The following HMGB3 variants were observed in gnomAD, a reference collection of about 807,000 sequenced individuals.
The protein encoded by HMGB3 is high mobility group protein B3.
A neutral mutation model predicts 12.9 loss-of-function variants in HMGB3; 1 was observed. That is an observed-to-expected ratio of 0.08 (90% confidence interval 0.03 to 0.37). The LOEUF (loss-of-function observed/expected upper bound fraction) is 0.37, where lower values mean the gene tolerates loss of function less well. Ranked by LOEUF, HMGB3 falls within the 10% of genes least tolerant of loss-of-function variation. The pLI, the probability that HMGB3 is intolerant of heterozygous loss-of-function variation, is 0.99. For missense variants in HMGB3, 74 were observed against 153.3 expected (o/e 0.48, Z 2.73); for synonymous variants, 61 against 53.9 (o/e 1.13, Z -0.57).
Position 150,988,826 on chromosome X carries a change from C to T in HMGB3, c.*912C>T, listed in dbSNP as rs978546017. ...TCACAGCAGTGAACAAACCCCCACT[C>T]CATTGTATTTGGAGACTGGCCTCCC... On this transcript the variant is annotated 3_prime_UTR_variant, in exon 5 of 5. Coordinates refer to ENST00000325307, the MANE Select transcript of HMGB3 (RefSeq NM_005342.4). 1 of 112,340 alleles carries T rather than the reference C, an allele frequency of 8.9e-6. No homozygotes were observed. The highest frequency in any genetic ancestry group is 1.9e-5 in the Non-Finnish European group (1 of 53,267). 9.3% of individuals were successfully genotyped at this position (112,340 alleles called of 1,213,427 possible). A position where few individuals can be genotyped will look rare whatever the true frequency, so the allele number is the denominator to read the frequency against.
upstream of HMGB3, chrX:150,983,292 C>T (rs1468697230): frequency 8.0e-6 from 6 of 754,107 alleles, no homozygotes; most frequent in African/African-American, 2.3e-5. Context: ...AATCAGGCGG[C>T]TCTCGTGGAG....
rs1300848987 is a variant in HMGB3 at position 150,985,008 on chromosome X, G to C, written c.-5-587G>C. On this transcript the variant is annotated intron_variant, in intron 1 of 4. Transcript: ENST00000325307. ...AAGTGATGAATTGAACTAATAGTACGGGGGTACCTGCTCACTTTCCAGATC... is the reference window on the plus strand; with the variant it reads ...AAGTGATGAATTGAACTAATAGTACCGGGGTACCTGCTCACTTTCCAGATC... Among the ~76,000 whole-genome samples the C allele has an allele frequency of 2.7e-5, 3 of 111,737 alleles. No homozygotes were observed. The East Asian group carries it at 8.5e-4, about 32-fold the overall frequency.
At chrX:150,983,260 T>C (rs1439858386), upstream of HMGB3, 8 of 751,041 alleles carry the variant, frequency 1.1e-5, no homozygotes, top group Admixed American at 1.7e-4. Context: ...GAGGCTGTTT[T>C]AAACGGCAGA....
upstream of HMGB3, among the ~76,000 whole-genome samples, chrX:150,982,626 T>C (rs989333993): frequency 1.8e-5 from 2 of 113,191 alleles, no homozygotes; most frequent in Non-Finnish European, 3.7e-5. Flanking sequence ...TGTTTTCCTC[T>C]TTTAGCCCGT....
chrX:150,986,154 A>G lies in HMGB3; in HGVS notation c.254A>G (p.Lys85Arg), dbSNP rs1407470676. The G allele has an allele frequency of 8.4e-7, 1 of 1,184,481 alleles. No individual in the cohort carries two copies. The highest frequency in any genetic ancestry group is 1.8e-5 in the African/African-American group (1 of 56,126). ...MKDYGPAKGG[K>R]KKKDPNAPKR... Reference sequence around the variant, plus strand: ...GATTATGGACCAGCTAAGGGAGGCAAGAAGAAGAAGGATCCTAATGCTCCC... The same window carrying G: ...GATTATGGACCAGCTAAGGGAGGCAGGAAGAAGAAGGATCCTAATGCTCCC... The change falls in exon 3 of 5, where the codon AAG becomes AGG. Residue 85 changes from lysine to arginine, a missense_variant. Lys to Arg is a conservative substitution (Grantham distance 26). Transcript: ENST00000325307.
At chrX:150,985,524 A>G (rs1418198898) in intron 1 of HMGB3, 71 bp from the exon 2 acceptor site, 3 of 866,688 alleles carry the variant, frequency 3.5e-6, no homozygotes, top group Admixed American at 6.1e-5. Flanking sequence ...TGCCTTTGGT[A>G]CGTCTTGTAC....
chrX:150,984,559 C>G, intron 1 of HMGB3: 1 of 740,254 alleles, frequency 1.4e-6, no homozygotes. Context: ...CGCGCGTCCC[C>G]CGGGGATGAC....
At chrX:150,983,436 C>T in intron 1 of HMGB3, 60 bp downstream of exon 1, 1 of 240,315 alleles carries the variant, frequency 4.2e-6, no homozygotes, top group Non-Finnish European at 5.1e-6. Context: ...CCGCCGCCGC[C>T]GCCGCCGCCG....
intron 4 of HMGB3, 34 bp from the exon 5 acceptor site, chrX:150,987,743 C>T: frequency 8.8e-7 from 1 of 1,131,399 alleles, no homozygotes; most frequent in Non-Finnish European, 1.2e-6. Flanking sequence ...AAAACAGCCG[C>T]ATACTCATTT....
chrX:150,982,848 C>G (rs781788348), upstream of HMGB3, among the ~76,000 whole-genome samples: 1 of 112,959 alleles, frequency 8.9e-6, no homozygotes. Context: ...GCGCCGCGGC[C>G]GAACCGGGTA....
In HMGB3 at chrX:150,987,830, T is replaced by C; in HGVS notation, c.519T>C (p.Ala173=). The C allele has an allele frequency of 8.3e-7, 1 of 1,206,407 alleles. No individual in the cohort carries two copies. The highest frequency in any genetic ancestry group is 1.8e-5 in the South Asian group (1 of 56,738). The change falls in exon 5 of 5, where the codon GCT becomes GCC. Residue 173 remains alanine, a synonymous_variant. Coordinates refer to ENST00000325307, the MANE Select transcript of HMGB3 (RefSeq NM_005342.4). Reference sequence around the variant, plus strand: ...AGTTTGATGGTGCAAAGGGTCCTGCTAAAGTTGCCCGGAAAAAGGTGGAAG... The same window carrying C: ...AGTTTGATGGTGCAAAGGGTCCTGCCAAAGTTGCCCGGAAAAAGGTGGAAG... ...KGKFDGAKGP[A]KVARKKVEEE... is the part of the protein sequence containing the mutation.
At chrX:150,983,164 TTGAA>T (rs782813614), upstream of HMGB3, 4 of 424,321 alleles carry the variant, frequency 9.4e-6, no homozygotes, top group Non-Finnish European at 1.2e-5. Flanking sequence ...GTCGTTCTGT[TTGAA>T]TGAATGATCC....
In HMGB3 at chrX:150,989,200, A is replaced by G. The variant is rs979753411; in HGVS notation, c.*1286A>G. 9.0e-6 allele frequency: 1 copy of G among 111,612 alleles called. No individual in the cohort carries two copies. Among genetic ancestry groups the G allele is most frequent in the Non-Finnish European group, 1.9e-5 (1 of 53,210 alleles). The allele number at this position is 111,612 out of a possible 1,213,427, so 9.2% of individuals were successfully genotyped here. ...CACCCCTACCCCCCGTGCTCCTGGCACATATCACATTATTTGTGGTGCCCA... is the reference window on the plus strand; with the variant it reads ...CACCCCTACCCCCCGTGCTCCTGGCGCATATCACATTATTTGTGGTGCCCA... On this transcript the variant is annotated 3_prime_UTR_variant, in exon 5 of 5. Coordinates refer to ENST00000325307, the MANE Select transcript of HMGB3 (RefSeq NM_005342.4).
chrX:150,985,537 C>A, intron 1 of HMGB3, 58 bp from the exon 2 acceptor site: 1 of 1,001,340 alleles, frequency 1.0e-6, no homozygotes, highest in South Asian at 2.3e-5. Context: ...TCTTGTACTT[C>A]TTGTCAATTC....
Position 150,987,842 on chromosome X carries a change from G to T in HMGB3, c.531G>T (p.Arg177=). 1.7e-6 allele frequency: 2 copies of T among 1,203,873 alleles called. No individual in the cohort carries two copies. The highest frequency in any genetic ancestry group is 2.2e-6 in the Non-Finnish European group (2 of 893,061). The change falls in exon 5 of 5, where the codon CGG becomes CGT. Residue 177 remains arginine, a synonymous_variant. Coordinates refer to ENST00000325307, the MANE Select transcript of HMGB3 (RefSeq NM_005342.4). ...CAAAGGGTCCTGCTAAAGTTGCCCG[G>T]AAAAAGGTGGAAGAGGAAGATGAAG... The part of the protein sequence containing the change: ...DGAKGPAKVA[R]KKVEEEDEEE...
chrX:150,986,748 A>G lies in HMGB3; in HGVS notation c.291-380A>G, dbSNP rs782461226. ...AACCTCCACCTCCTGGGTTCAAGTG[A>G]TTCTCCTGCCTCAGCCTCCTGAGTA... On this transcript the variant is annotated intron_variant, in intron 3 of 4. Coordinates refer to ENST00000325307, the MANE Select transcript of HMGB3 (RefSeq NM_005342.4). 3.6e-5 allele frequency among the ~76,000 whole-genome samples: 4 copies of G among 111,021 alleles called. No individual in the cohort carries two copies. The South Asian group carries it at 1.2e-3, about 32-fold the overall frequency.
upstream of HMGB3, among the ~76,000 whole-genome samples, chrX:150,982,836 C>T (rs781872293): frequency 2.7e-5 from 3 of 113,066 alleles, no homozygotes; most frequent in Non-Finnish European, 3.8e-5. Flanking sequence ...GTTTCTGTCG[C>T]GGCGCCGCGG....
chrX:150,983,871 C>T (rs1260362838), intron 1 of HMGB3, among the ~76,000 whole-genome samples: 1 of 106,427 alleles, frequency 9.4e-6, no homozygotes, highest in Non-Finnish European at 2.0e-5. Flanking sequence ...GGGGGCTGCG[C>T]GGCTGGTGCC....
upstream of HMGB3, among the ~76,000 whole-genome samples, chrX:150,982,839 CG>C (rs1207882874): frequency 1.8e-5 from 2 of 112,970 alleles, no homozygotes; most frequent in African/African-American, 6.4e-5. Flanking sequence ...TCTGTCGCGG[CG>C]CCGCGGCCGA....
Sources: gnomAD v4.1 joint callset for allele counts (sites outside exome capture counted in the v4.1 genomes callset) on GRCh38, gnomAD v4.1.1 for gene constraint, MANE v1.5 for transcripts, NCBI Gene and HGNC (gene_info 2026-07-23, HGNC 2026-07-21) for gene names.